INPP4A: variants seen among roughly 807,000 people sequenced by gnomAD.
INPP4A encodes the protein inositol polyphosphate-4-phosphatase, type I, 107kD.
Under a neutral mutation model 119.8 loss-of-function variants are expected in INPP4A, and 33 were observed. The ratio of observed to expected loss-of-function variants is 0.28; its 90% confidence interval spans 0.21 to 0.37. INPP4A has a LOEUF of 0.37. INPP4A is among the 10% of genes least tolerant of loss of function. The pLI is 1.00. For missense variants in INPP4A, 956 were observed against 1,289.9 expected, an observed-to-expected ratio of 0.74 and a Z score of 3.97; for synonymous variants, 496 against 500.7, an observed-to-expected ratio of 0.99 and a Z score of 0.12.
rs747581221 is a variant in INPP4A at position 98,576,991 on chromosome 2, C to G, written c.2634C>G (p.Ile878Met). ...NVDILWQAAE[I>M]CRRLNGVRFT... The stretch of plus-strand genomic sequence containing the variant: ...ACGGCCCATGTTTCTGTTGGCAGAT[C>G]TGCCGCCGCCTTAATGGGGTCCGGT... Residue 878 changes from isoleucine to methionine, a missense_variant and splice_region_variant, in exon 24 of 25, where the codon ATC becomes ATG. Around this residue, in one of 2 missense-constraint regions of INPP4A, gnomAD observed 304 missense variants for 492.1 expected, o/e 0.62. Coordinates refer to ENST00000409851, the MANE Select transcript of INPP4A (RefSeq NM_001134225.2). 1 of 1,610,538 alleles carries G rather than the reference C, an allele frequency of 6.2e-7. No homozygotes were observed. Among genetic ancestry groups the G allele is most frequent in the African/African-American group, 1.3e-5 (1 of 74,994 alleles).
chr2:98,537,955 T>A lies in INPP4A; in HGVS notation c.560T>A (p.Val187Glu), dbSNP rs756674628. ...CAACGGCCCCCTGTGACCCGGTCTG[T>A]GGACACTGTCAATGGGAGGGTGAGT... ...SDQRPPVTRS[V>E]DTVNGRMVLP... Residue 187 changes from valine to glutamate, a missense_variant, in exon 8 of 25, where the codon GTG (valine) becomes GAG (glutamate). This residue lies in a region of INPP4A where 652 missense variants were observed against 797.9 expected (regional missense o/e 0.82). Transcript: ENST00000409851. 2 of 1,610,606 alleles carry A rather than the reference T, an allele frequency of 1.2e-6. No homozygotes were observed. Among genetic ancestry groups the A allele is most frequent in the Non-Finnish European group, 1.7e-6 (2 of 1,177,892 alleles).
rs771039853 is a variant in INPP4A at position 98,581,630 on chromosome 2, C to T, written c.2786+4487C>T. 21 of 1,575,340 alleles carry T rather than the reference C, an allele frequency of 1.3e-5. No individual in the cohort carries two copies. The East Asian group carries it at 4.8e-4, about 36-fold the overall frequency. ...AGAACTTGAGCGGCCTGGTGCCCAT[C>T]CGAGACTTAAGGCTAGACCCCAGCC... On this transcript the variant is annotated intron_variant, in intron 24 of 24. Transcript: ENST00000409851.
chr2:98,568,545 A>T, intron 21 of INPP4A, 26 bp from the exon 22 acceptor site: 1 of 1,263,122 alleles, frequency 7.9e-7, no homozygotes, highest in Non-Finnish European at 1.1e-6. Context: ...TTAGCCAACT[A>T]ATGGCATCCC....
rs1309700705 is a variant in INPP4A at position 98,591,952 on chromosome 2, T to C, written c.*4344T>C. On this transcript the variant is annotated 3_prime_UTR_variant, in exon 25 of 25. Coordinates refer to ENST00000409851, the MANE Select transcript of INPP4A (RefSeq NM_001134225.2). ...GCAGTAGATGTCTCTCAGTGGGCAG[T>C]GTGACCTCTTTGGTCACTCTAAAGG... 3.3e-5 allele frequency: 5 copies of C among 152,308 alleles called. No individual in the cohort carries two copies. Among genetic ancestry groups the C allele is most frequent in the Admixed American group, 2.0e-4 (3 of 15,286 alleles). 9.4% of individuals were successfully genotyped at this position (152,308 alleles called of 1,614,324 possible). A position where few individuals can be genotyped will look rare whatever the true frequency, so the allele number is the denominator to read the frequency against.
chr2:98,445,596 C>T (rs1199952269), intron 1 of INPP4A, among the ~76,000 whole-genome samples: 1 of 152,184 alleles, frequency 6.6e-6, no homozygotes, highest in Non-Finnish European at 1.5e-5. Context: ...CTTTGCTAGT[C>T]AATTAATTGA....
chr2:98,552,647 C>A, intron 13 of INPP4A, 139 bp from the exon 14 acceptor site: 1 of 781,182 alleles, frequency 1.3e-6, no homozygotes, highest in Non-Finnish European at 2.3e-6. Flanking sequence ...TGCTCATCAA[C>A]AACTAGAGTA....
At chr2:98,544,057 ACACACACTCT>A in intron 11 of INPP4A, 50 bp downstream of exon 11, 1 of 1,499,620 alleles carries the variant, frequency 6.7e-7, no homozygotes, top group Non-Finnish European at 9.0e-7. Context: ...ACACACACAC[ACACACACTCT>A]CACTCTCACT....
chr2:98,467,853 A>G (rs1250303548), intron 1 of INPP4A, among the ~76,000 whole-genome samples: 1 of 152,162 alleles, frequency 6.6e-6, no homozygotes, highest in East Asian at 1.9e-4. Flanking sequence ...TCTATTTAAT[A>G]GTTATCTATT....
chr2:98,573,867 T>C (rs534914164), intron 23 of INPP4A, among the ~76,000 whole-genome samples: 13 of 152,266 alleles, frequency 8.5e-5, no homozygotes, highest in Admixed American at 5.2e-4. Context: ...TTGTTAACAG[T>C]TGTGGCTGCT....
Position 98,555,701 on chromosome 2 carries a change from A to C in INPP4A, c.1715A>C (p.Asp572Ala), listed in dbSNP as rs75015617. The change falls in exon 16 of 25, where the codon GAC becomes GCC. Residue 572 changes from aspartate to alanine, a missense_variant. Transcript: ENST00000409851. Reference sequence around the variant, plus strand: ...TGCACCAGCAAGAAAGGTAACCCGGACAGCCACGCCTACTGGATCAGACCA... The same window carrying C: ...TGCACCAGCAAGAAAGGTAACCCGGCCAGCCACGCCTACTGGATCAGACCA... ...GSCTSKKGNP[D>A]SHAYWIRPED... The C allele has an allele frequency of 1.5e-5, 24 of 1,613,300 alleles. No individual in the cohort carries two copies. The highest frequency in any genetic ancestry group is 2.0e-5 in the Non-Finnish European group (24 of 1,179,602).
chr2:98,503,721 A>G (rs570446087), intron 1 of INPP4A, among the ~76,000 whole-genome samples: 1 of 152,208 alleles, frequency 6.6e-6, no homozygotes, highest in African/African-American at 2.4e-5. Context: ...ACTCCTTTGG[A>G]CACTCTCATC....
chr2:98,568,708 T>C, intron 22 of INPP4A, 40 bp downstream of exon 22: 1 of 1,134,888 alleles, frequency 8.8e-7, no homozygotes, highest in East Asian at 2.5e-5. Flanking sequence ...CACTTACTCG[T>C]CTTTTTATCA....
At position 98,554,924 on chromosome 2, in the gene INPP4A, G is replaced by A. The variant is rs1366874860; in HGVS notation, c.1566+435G>A. ...AGTAGATATGGATTTTGGAGCTGCC[G>A]CCCTGACATTACATCACATTATTGT... On this transcript the variant is annotated intron_variant, in intron 15 of 24. Transcript: ENST00000409851. The surrounding 1 kb of genome is among the most constrained non-coding windows in gnomAD (Gnocchi z 4.7). Among the ~76,000 whole-genome samples the A allele has an allele frequency of 2.0e-5, 3 of 152,270 alleles. No homozygotes were observed. Among genetic ancestry groups the A allele is most frequent in the East Asian group, 3.9e-4 (2 of 5,182 alleles).
At chr2:98,584,375 G>A (rs1383612591) in intron 24 of INPP4A, among the ~76,000 whole-genome samples, 1 of 152,218 alleles carries the variant, frequency 6.6e-6, no homozygotes, top group Non-Finnish European at 1.5e-5. Context: ...CCACAGCAGG[G>A]CTAGTGGCTA....
chr2:98,488,816 TC>T (rs1428057589), intron 1 of INPP4A, among the ~76,000 whole-genome samples: 1 of 152,154 alleles, frequency 6.6e-6, no homozygotes, highest in Non-Finnish European at 1.5e-5. Context: ...TGGTACTGGT[TC>T]CTGCGGGCTG....
At chr2:98,577,767 G>C (rs139414844) in intron 24 of INPP4A, among the ~76,000 whole-genome samples, 2 of 152,336 alleles carry the variant, frequency 1.3e-5, no homozygotes, top group Non-Finnish European at 2.9e-5. Flanking sequence ...GGAACTAAAA[G>C]TGTCTACTGT....
rs528353762 is a variant in INPP4A, at chr2:98,590,715, C to T, written c.*3107C>T. ...CACTGTGCCGTCTTCTAGGCACACA[C>T]GACCCGTTATCTCCCTTGGAAAAAT... On this transcript the variant is annotated 3_prime_UTR_variant, in exon 25 of 25. Transcript: ENST00000409851. 8 of 219,332 alleles carry T rather than the reference C, an allele frequency of 3.6e-5. No individual in the cohort carries two copies. The highest frequency in any genetic ancestry group is 1.4e-3 in the Middle Eastern group (1 of 722). 13.6% of individuals were successfully genotyped at this position (219,332 alleles called of 1,614,324 possible).
At chr2:98,501,250 C>G (rs891169673) in intron 1 of INPP4A, among the ~76,000 whole-genome samples, 5 of 152,258 alleles carry the variant, frequency 3.3e-5, no homozygotes, top group Admixed American at 6.5e-5. Flanking sequence ...AGGAGAATTG[C>G]TTGAACCCGG....
intron 5 of INPP4A, among the ~76,000 whole-genome samples, chr2:98,534,946 G>A (rs141272891): frequency 3.4e-4 from 52 of 152,346 alleles, no homozygotes; most frequent in African/African-American, 1.2e-3. Flanking sequence ...TGGAAAGGGA[G>A]TCAGAGGTGG....
Sources: gnomAD v4.1 joint callset for allele counts (sites outside exome capture counted in the v4.1 genomes callset) on GRCh38, gnomAD v4.1.1 for gene constraint, gnomAD v4.1.1 regional missense constraint, Gnocchi (gnomAD v3.1) non-coding constraint, MANE v1.5 for transcripts, NCBI Gene and HGNC (gene_info 2026-07-23, HGNC 2026-07-21) for gene names.